The following PCNX3 variants were observed in gnomAD, a reference collection of about 807,000 sequenced individuals.
The protein encoded by PCNX3 is pecanex 3, also known as pecanex-like protein 3.
Under a neutral mutation model 207.2 loss-of-function variants are expected in PCNX3, and 58 were observed. That is an observed-to-expected ratio of 0.28 (90% CI 0.23 to 0.35). The LOEUF (loss-of-function observed/expected upper bound fraction) is 0.35. Among genes scored for constraint, PCNX3 ranks in the 10% least tolerant of loss-of-function variants. PCNX3 has a pLI of 1.00. For synonymous variants in PCNX3, 1,337 were observed against 1,183.5 expected (o/e 1.13, Z -2.66); for missense variants, 2,410 against 2,774.4 (o/e 0.87, Z 2.95).
intron 20 of PCNX3, 99 bp from the exon 21 acceptor site, chr11:65,626,805 A>G: frequency 6.6e-7 from 1 of 1,515,466 alleles, no homozygotes. Flanking sequence ...AGGGTCTCCG[A>G]GGAGTCAGGA....
intron 10 of PCNX3, 125 bp from the exon 11 acceptor site, chr11:65,622,120 T>C (rs1428592641): frequency 7.0e-7 from 1 of 1,429,000 alleles, no homozygotes; most frequent in Non-Finnish European, 9.2e-7. Context: ...ATGGAAATGG[T>C]CAACCAGACC....
Position 65,630,512 on chromosome 11 carries a change from G to A in PCNX3, c.4378G>A (p.Val1460Met). 2 of 1,613,592 alleles carry A rather than the reference G, an allele frequency of 1.2e-6. No individual in the cohort carries two copies. Among genetic ancestry groups the A allele is most frequent in the East Asian group, 2.2e-5 (1 of 44,876 alleles). ...LAWEVTASKYVLEGYSISDNN... is the reference protein window; with the variant it reads ...LAWEVTASKYMLEGYSISDNN... ...TTGGGAGGTAACAGCCAGCAAGTAC[G>A]TGCTGGAGGGCTATAGCATTAGTGA... Residue 1460 changes from valine (V) to methionine (M), a missense_variant, in exon 27 of 35, where the codon GTG becomes ATG. Transcript: ENST00000355703.
chr11:65,624,720 T>A, intron 15 of PCNX3, 139 bp downstream of exon 15: 2 of 939,836 alleles, frequency 2.1e-6, no homozygotes, highest in Non-Finnish European at 3.2e-6. Flanking sequence ...CCTTCTCCCC[T>A]CTCCTTCCCT....
chr11:65,635,329 A>G lies in PCNX3; in HGVS notation c.5065A>G (p.Ser1689Gly), dbSNP rs1478504570. 1.2e-6 allele frequency: 2 copies of G among 1,604,834 alleles called. No homozygotes were observed. Among genetic ancestry groups the G allele is most frequent in the Admixed American group, 1.7e-5 (1 of 58,476 alleles). ...ISHEGDPAWR[S>G]AILSNTPSLL... ...ACATGAGGGTGACCCAGCATGGCGC[A>G]GCGCCATCCTCAGCAACACGCCCTC... Residue 1689 changes from serine to glycine, a missense_variant, in exon 31 of 35, where the codon AGC (serine) becomes GGC (glycine). Ser to Gly is a moderately conservative substitution (Grantham distance 56). Transcript: ENST00000355703. The surrounding 1 kb of genome is among the most constrained non-coding windows in gnomAD (Gnocchi z 9.9).
chr11:65,625,191 C>T lies in PCNX3; in HGVS notation c.2940C>T (p.His980=), dbSNP rs369639446. The part of the protein sequence containing the change: ...GAIKTPWPEQ[H]VPVLFSVFCG... ...CGCAGACTCCGTGGCCAGAGCAGCA[C>T]GTCCCTGTCCTCTTCTCAGTCTTCT... Residue 980 remains histidine (H), a synonymous_variant, in exon 17 of 35, where the codon CAC becomes CAT. Transcript: ENST00000355703. The surrounding 1 kb of genome is among the most constrained non-coding windows in gnomAD (Gnocchi z 5.6). The T allele has an allele frequency of 5.1e-5, 82 of 1,609,272 alleles. No individual in the cohort carries two copies. Among genetic ancestry groups the T allele is most frequent in the Non-Finnish European group, 4.6e-5 (54 of 1,179,124 alleles).
At chr11:65,619,449 C>T (rs746507475) in intron 6 of PCNX3, 88 bp from the exon 7 acceptor site, 21 of 1,537,472 alleles carry the variant, frequency 1.4e-5, no homozygotes, top group Middle Eastern at 2.3e-4. Flanking sequence ...AGGCCTTTAG[C>T]TCCCTGGCGG....
Position 65,634,598 on chromosome 11 carries a change from G to A in PCNX3, c.4762G>A (p.Gly1588Ser). 1 of 1,604,240 alleles carries A rather than the reference G, an allele frequency of 6.2e-7. No individual in the cohort carries two copies. Among genetic ancestry groups the A allele is most frequent in the Non-Finnish European group, 8.5e-7 (1 of 1,178,942 alleles). The change falls in exon 29 of 35, where the codon GGC (glycine) becomes AGC (serine). Residue 1588 changes from glycine to serine, a missense_variant. By Grantham distance (56) the Gly-to-Ser change is moderately conservative (BLOSUM62 0). This residue lies in a region of PCNX3 where 420 missense variants were observed against 705.3 expected (regional missense o/e 0.60). Transcript: ENST00000355703. ...VTLCFGLCVL[G>S]RRALGTASHS... ...GCTGTGTTTTGGCCTGTGTGTGCTG[G>A]GCCGCCGGGCCCTGGGGACAGCCTC...
intron 20 of PCNX3, chr11:65,626,578 A>G: frequency 2.2e-6 from 1 of 448,564 alleles, no homozygotes; most frequent in South Asian, 2.2e-5. Context: ...TCTGCCCTTT[A>G]GAAGGGCCCA....
At position 65,635,885 on chromosome 11, in the gene PCNX3, C is replaced by T. The variant is rs1169995951; in HGVS notation, c.5459+82C>T. The T allele has an allele frequency of 4.9e-5, 72 of 1,475,802 alleles. No individual in the cohort carries two copies. The highest frequency in any genetic ancestry group is 7.3e-5 in the East Asian group (3 of 41,346). The allele number at this position is 1,475,802 out of a possible 1,614,324, so 91.4% of individuals were successfully genotyped here. On this transcript the variant is annotated intron_variant, in intron 32 of 34. Coordinates refer to ENST00000355703, the MANE Select transcript of PCNX3 (RefSeq NM_032223.4). This position sits in a 1 kb window ranked among gnomAD's most constrained non-coding sequence, Gnocchi z 9.9. ...TCCCTCCTGGGTCTCAGAGGGAGGACGTGCTGGAGCCAGGGCTTGAATCCC... is the reference window on the plus strand; with the variant it reads ...TCCCTCCTGGGTCTCAGAGGGAGGATGTGCTGGAGCCAGGGCTTGAATCCC...
Position 65,636,947 on chromosome 11 carries a change from C to T in PCNX3, c.6074C>T (p.Ala2025Val), listed in dbSNP as rs1855876391. 6.4e-7 allele frequency: 1 copy of T among 1,568,336 alleles called. No individual in the cohort carries two copies. Among genetic ancestry groups the T allele is most frequent in the Non-Finnish European group, 8.6e-7 (1 of 1,157,642 alleles). ...PAPIEERESP[A>V]AQPLLEHQY ...CCTATTGAGGAGCGTGAGAGCCCGG[C>T]AGCCCAGCCCCTGCTGGAACACCAG... Residue 2025 changes from alanine (A) to valine (V), a missense_variant, in exon 35 of 35, where the codon GCA (alanine) becomes GTA (valine). Ala to Val is a moderately conservative substitution (Grantham distance 64, BLOSUM62 0). This residue lies in a region of PCNX3 where 278 missense variants were observed against 245.1 expected (regional missense o/e 1.13). Coordinates refer to ENST00000355703, the MANE Select transcript of PCNX3 (RefSeq NM_032223.4).
rs1010367591 is a variant in PCNX3 at position 65,624,863 on chromosome 11, G to C, written c.2828-62G>C. On this transcript the variant is annotated intron_variant, in intron 15 of 34. Transcript: ENST00000355703. ...CCTCTGGGAGTTGAGGGGAAGCGCGGCTAGGGTTGAGGTGGGGTACCTGCA... is the reference window on the plus strand; with the variant it reads ...CCTCTGGGAGTTGAGGGGAAGCGCGCCTAGGGTTGAGGTGGGGTACCTGCA... The C allele has an allele frequency of 6.0e-6, 9 of 1,497,348 alleles. No individual in the cohort carries two copies. In the East Asian group the frequency reaches 2.1e-4, roughly 34 times the overall value. The allele number at this position is 1,497,348 out of a possible 1,614,324, so 92.8% of individuals were successfully genotyped here.
intron 20 of PCNX3, 179 bp downstream of exon 20, chr11:65,626,233 C>G: frequency 1.1e-6 from 1 of 883,130 alleles, no homozygotes. Flanking sequence ...TCTCCACCGA[C>G]TCTTCTCCTC....
intron 23 of PCNX3, 55 bp downstream of exon 23, chr11:65,628,758 G>A (rs1386625716): frequency 4.4e-6 from 7 of 1,588,712 alleles, no homozygotes; most frequent in Non-Finnish European, 5.1e-6. Flanking sequence ...GCCTGGGGCA[G>A]TGGGGGGTGG....
intron 15 of PCNX3, 48 bp from the exon 16 acceptor site, chr11:65,624,877 G>A (rs1161405454): frequency 2.6e-6 from 4 of 1,544,822 alleles, no homozygotes; most frequent in Non-Finnish European, 2.6e-6. Context: ...GGGTTGAGGT[G>A]GGGTACCTGC....
chr11:65,629,859 C>A, intron 26 of PCNX3, 124 bp downstream of exon 26: 1 of 1,022,414 alleles, frequency 9.8e-7, no homozygotes, highest in Non-Finnish European at 1.4e-6. Flanking sequence ...TGGCCTTGGG[C>A]AAGGCACTCC....
Position 65,629,811 on chromosome 11 carries a change from C to T in PCNX3, c.4216+76C>T, listed in dbSNP as rs1855547685. On this transcript the variant is annotated intron_variant, in intron 26 of 34. Coordinates refer to ENST00000355703, the MANE Select transcript of PCNX3 (RefSeq NM_032223.4). ...TGGGAGCTGTGTTCAATAGCACGTG[C>T]GAAGGAGGTCCAGTCCAGCTCTGTC... is the stretch of plus-strand genomic sequence containing the variant. 21 of 1,456,052 alleles carry T rather than the reference C, an allele frequency of 1.4e-5. No homozygotes were observed. The East Asian group carries it at 2.2e-4, about 15-fold the overall frequency. 90.2% of individuals were successfully genotyped at this position (1,456,052 alleles called of 1,614,324 possible).
intron 12 of PCNX3, 45 bp downstream of exon 12, chr11:65,623,689 CAA>C (rs1380428487): frequency 1.9e-6 from 3 of 1,595,336 alleles, no homozygotes; most frequent in Non-Finnish European, 2.6e-6. Flanking sequence ...CGACTTTTCC[CAA>C]GATTGCCCTT....
intron 29 of PCNX3, 97 bp from the exon 30 acceptor site, chr11:65,634,876 T>C: frequency 6.9e-7 from 1 of 1,459,084 alleles, no homozygotes. Flanking sequence ...AAACTGAGGC[T>C]CAGCGTGAGG....
In PCNX3 at chr11:65,637,267, G is replaced by C; in HGVS notation, c.*289G>C. On this transcript the variant is annotated 3_prime_UTR_variant, in exon 35 of 35. Coordinates refer to ENST00000355703, the MANE Select transcript of PCNX3 (RefSeq NM_032223.4). ...GGTCCCACTTGGAGCCTGTGGCCAGGACCACCTCAGCCCCTGGGCCTGCAC... is the reference window on the plus strand; with the variant it reads ...GGTCCCACTTGGAGCCTGTGGCCAGCACCACCTCAGCCCCTGGGCCTGCAC... 1 of 463,200 alleles carries C rather than the reference G, an allele frequency of 2.2e-6. No individual in the cohort carries two copies. The highest frequency in any genetic ancestry group is 3.9e-6 in the Non-Finnish European group (1 of 255,762). 28.7% of individuals were successfully genotyped at this position (463,200 alleles called of 1,614,324 possible).
Sources: gnomAD v4.1 joint callset for allele counts on GRCh38, gnomAD v4.1.1 for gene constraint, gnomAD v4.1.1 regional missense constraint, Gnocchi (gnomAD v3.1) non-coding constraint, MANE v1.5 for transcripts, NCBI Gene and HGNC (gene_info 2026-07-23, HGNC 2026-07-21) for gene names.